Variants in MTCL2 observed in about 807,000 individuals in gnomAD.
The protein encoded by MTCL2 is microtubule cross-linking factor 2.
At chr20:36,827,982 C>T in the MTCL2 span, among the ~76,000 whole-genome samples, 2 of 152,196 alleles carry the variant, frequency 1.3e-5, no homozygotes. Flanking sequence ...GGCATTGGCA[C>T]ATCACACCAA....
At chr20:36,847,680 C>A in the MTCL2 span, among the ~76,000 whole-genome samples, 3 of 151,874 alleles carry the variant, frequency 2.0e-5, no homozygotes, top group Admixed American at 1.3e-4. Context: ...ATAGCGAGAC[C>A]CCATCTCTAC....
At chr20:36,817,262 G>A in the MTCL2 span, 17 of 651,500 alleles carry the variant, frequency 2.6e-5, no homozygotes, top group East Asian at 3.3e-4. Flanking sequence ...GTGTGACTCC[G>A]TCTCAAAAAA....
chr20:36,859,173 G>A, the MTCL2 span, among the ~76,000 whole-genome samples: 4 of 152,208 alleles, frequency 2.6e-5, no homozygotes, highest in Non-Finnish European at 5.9e-5. Context: ...GTAAACGGGA[G>A]AGTCAGGTTT....
chr20:36,827,357 C>CTTTTT, the MTCL2 span, among the ~76,000 whole-genome samples: 1 of 116,344 alleles, frequency 8.6e-6, no homozygotes. Context: ...CTGGACCCCC[C>CTTTTT]TTTTTTTTTT....
chr20:36,809,965 C>T, the MTCL2 span: 4 of 1,593,140 alleles, frequency 2.5e-6, no homozygotes, highest in African/African-American at 2.7e-5. Context: ...GCCTGGAAAG[C>T]GCTGGGCACC....
the MTCL2 span, chr20:36,862,584 C>A: frequency 7.4e-7 from 1 of 1,357,568 alleles, no homozygotes; most frequent in Non-Finnish European, 9.6e-7. Flanking sequence ...GGAGGGCCGG[C>A]TGGTGCCTCA....
At chr20:36,820,949 G>A in the MTCL2 span, among the ~76,000 whole-genome samples, 1 of 152,242 alleles carries the variant, frequency 6.6e-6, no homozygotes, top group Non-Finnish European at 1.5e-5. Flanking sequence ...AGGCTGAGGA[G>A]TAGAATTGAA....
At chr20:36,841,967 G>A in the MTCL2 span, among the ~76,000 whole-genome samples, 2 of 150,510 alleles carry the variant, frequency 1.3e-5, no homozygotes, top group Non-Finnish European at 3.0e-5. Flanking sequence ...CTGAGCTCAA[G>A]CAATCTGCCT....
At chr20:36,834,682 T>G in the MTCL2 span, among the ~76,000 whole-genome samples, 1 of 152,206 alleles carries the variant, frequency 6.6e-6, no homozygotes, top group South Asian at 2.1e-4. Flanking sequence ...TTATACTTGC[T>G]GTGTGAGTTC....
chr20:36,823,314 A>T, the MTCL2 span, among the ~76,000 whole-genome samples: 2 of 152,220 alleles, frequency 1.3e-5, no homozygotes, highest in African/African-American at 4.8e-5. Context: ...TGGCAGCTCT[A>T]GACACAGAGC....
At chr20:36,818,768 A>AC in the MTCL2 span, among the ~76,000 whole-genome samples, 1 of 152,274 alleles carries the variant, frequency 6.6e-6, no homozygotes, top group Non-Finnish European at 1.5e-5. Context: ...CTGAAAAAAT[A>AC]TCTGCAATGT....
chr20:36,794,344 G>T, the MTCL2 span: 4 of 1,592,832 alleles, frequency 2.5e-6, no homozygotes, highest in Non-Finnish European at 3.4e-6. The surrounding 1 kb of genome is among the most constrained non-coding windows in gnomAD (Gnocchi z 5.4). Context: ...TGCCCGTCTT[G>T]TCAGGAGCCG....
chr20:36,855,356 C>CA, the MTCL2 span, among the ~76,000 whole-genome samples: 28 of 152,356 alleles, frequency 1.8e-4, no homozygotes, highest in African/African-American at 6.7e-4. Flanking sequence ...CTCTCCCAAC[C>CA]ACCCTGGACC....
the MTCL2 span, chr20:36,794,706 C>A: frequency 4.3e-6 from 6 of 1,403,368 alleles, no homozygotes; most frequent in Non-Finnish European, 6.0e-6. This position sits in a 1 kb window ranked among gnomAD's most constrained non-coding sequence, Gnocchi z 5.4. Context: ...AAGACCAGGA[C>A]CGTCTTGTTC....
chr20:36,797,419 C>G, the MTCL2 span: 4 of 1,438,896 alleles, frequency 2.8e-6, no homozygotes, highest in African/African-American at 1.4e-5. Context: ...GGGTTAGCAA[C>G]TTCCTCTCAT....
the MTCL2 span, chr20:36,817,363 G>C: frequency 3.9e-6 from 6 of 1,526,698 alleles, no homozygotes; most frequent in South Asian, 7.4e-5. Flanking sequence ...GTCAGGCTCA[G>C]GTCTTCAGAA....
the MTCL2 span, chr20:36,804,900 G>C: frequency 1.2e-6 from 2 of 1,608,260 alleles, no homozygotes; most frequent in Non-Finnish European, 8.5e-7. Flanking sequence ...TGTACTCATT[G>C]GGCTGCAGAC....
chr20:36,788,882 C>T, the MTCL2 span, among the ~76,000 whole-genome samples: 2 of 150,602 alleles, frequency 1.3e-5, no homozygotes, highest in South Asian at 4.2e-4. Flanking sequence ...TCTCAGCTCA[C>T]AGCAACCTCT....
the MTCL2 span, among the ~76,000 whole-genome samples, chr20:36,845,024 A>G: frequency 5.3e-5 from 8 of 149,820 alleles, no homozygotes; most frequent in African/African-American, 7.5e-5. Flanking sequence ...AAAAAAAAAA[A>G]AAGAAGAAGA....
Sources: allele counts gnomAD v4.1 joint callset (sites outside exome capture counted in the v4.1 genomes callset), GRCh38; gene constraint gnomAD v4.1.1; non-coding constraint Gnocchi (gnomAD v3.1); transcripts MANE v1.5; gene names NCBI Gene and HGNC (gene_info 2026-07-23, HGNC 2026-07-21).